Variants in MISP observed in about 807,000 individuals in gnomAD.
The protein encoded by MISP is mitotic interactor and substrate of PLK1.
Under a neutral mutation model 49.3 loss-of-function variants are expected in MISP, and 51 were observed. The ratio of observed to expected loss-of-function variants is 1.03; its 90% CI spans 0.83 to 1.31. The LOEUF is 1.31. Among genes scored for constraint, MISP ranks in the 50% most tolerant of loss-of-function variants. MISP has a pLI of 0.00. For missense variants in MISP, 1,084 were observed against 935.1 expected (o/e 1.16, Z -2.08); for synonymous variants, 444 against 392.6 (o/e 1.13, Z -1.55).
intron 1 of MISP, among the ~76,000 whole-genome samples, chr19:753,227 GT>G (rs1380639983): frequency 6.6e-6 from 1 of 152,112 alleles, no homozygotes; most frequent in Non-Finnish European, 1.5e-5. Flanking sequence ...GGTTTTCAAT[GT>G]TTCCCCTATT....
Position 757,525 on chromosome 19 carries a change from C to T in MISP, c.579C>T (p.Phe193=), listed in dbSNP as rs1242722299. Residue 193 remains phenylalanine, a synonymous_variant, in exon 2 of 5, where the codon TTC becomes TTT. Coordinates refer to ENST00000215582, the MANE Select transcript of MISP (RefSeq NM_173481.4). Reference sequence around the variant, plus strand: ...TGGTTGACAGGGAGCAGATTGACTTCCTGGCAGCGAGACAGCAGTTCCTGA... The same window carrying T: ...TGGTTGACAGGGAGCAGATTGACTTTCTGGCAGCGAGACAGCAGTTCCTGA... ...ENVVDREQID[F]LAARQQFLSL... The T allele has an allele frequency of 1.2e-6, 2 of 1,610,266 alleles. No individual in the cohort carries two copies. The highest frequency in any genetic ancestry group is 1.1e-5 in the South Asian group (1 of 90,366).
chr19:749,240 C>T (rs1430853160), upstream of MISP, among the ~76,000 whole-genome samples: 5 of 152,218 alleles, frequency 3.3e-5, no homozygotes, highest in Admixed American at 2.0e-4. Context: ...GATCCAGCCT[C>T]CACCCTGCTG....
Position 757,976 on chromosome 19 carries a change from A to G in MISP, c.1030A>G (p.Arg344Gly). 2 of 1,583,008 alleles carry G rather than the reference A, an allele frequency of 1.3e-6. No individual in the cohort carries two copies. Among genetic ancestry groups the G allele is most frequent in the South Asian group, 1.1e-5 (1 of 88,606 alleles). ...LSLITAPRRE[R>G]GRPSLYVQRD... ...CCTGATCACAGCCCCACGGCGGGAGAGAGGGCGCCCGTCCCTCTACGTGCA... is the reference window on the plus strand; with the variant it reads ...CCTGATCACAGCCCCACGGCGGGAGGGAGGGCGCCCGTCCCTCTACGTGCA... Residue 344 changes from arginine (R) to glycine (G), a missense_variant, in exon 2 of 5, where the codon AGA (arginine) becomes GGA (glycine). By Grantham distance (125) the Arg-to-Gly change is moderately radical. Coordinates refer to ENST00000215582, the MANE Select transcript of MISP (RefSeq NM_173481.4).
rs867122964 is a variant in MISP at position 757,520 on chromosome 19, G to A, written c.574G>A (p.Asp192Asn). The A allele has an allele frequency of 1.2e-6, 2 of 1,609,528 alleles. No individual in the cohort carries two copies. Among genetic ancestry groups the A allele is most frequent in the African/African-American group, 2.7e-5 (2 of 75,032 alleles). ...EENVVDREQIDFLAARQQFLS... is the reference protein window; with the variant it reads ...EENVVDREQINFLAARQQFLS... ...GAACGTGGTTGACAGGGAGCAGATTGACTTCCTGGCAGCGAGACAGCAGTT... is the reference window on the plus strand; with the variant it reads ...GAACGTGGTTGACAGGGAGCAGATTAACTTCCTGGCAGCGAGACAGCAGTT... Residue 192 changes from aspartate to asparagine, a missense_variant, in exon 2 of 5, where the codon GAC becomes AAC. Physicochemically the swap from Asp to Asn is conservative, Grantham distance 23. Coordinates refer to ENST00000215582, the MANE Select transcript of MISP (RefSeq NM_173481.4).
intron 1 of MISP, among the ~76,000 whole-genome samples, chr19:752,541 G>A (rs1164010300): frequency 1.3e-5 from 2 of 150,332 alleles, no homozygotes; most frequent in East Asian, 2.0e-4. Flanking sequence ...AAAGCGGGGG[G>A]CGGGGGTGGG....
intron 1 of MISP, among the ~76,000 whole-genome samples, chr19:754,318 G>C (rs2033509533): frequency 6.6e-6 from 1 of 152,220 alleles, no homozygotes; most frequent in African/African-American, 2.4e-5. Flanking sequence ...CAAAAAATTA[G>C]CCAGGCGTGG....
intron 3 of MISP, among the ~76,000 whole-genome samples, chr19:761,261 A>T (rs2033668734): frequency 6.8e-6 from 1 of 146,292 alleles, no homozygotes; most frequent in Non-Finnish European, 1.5e-5. Context: ...GGCTAAAGGG[A>T]GGCTGCTAGG....
At position 757,604 on chromosome 19, in the gene MISP, C is replaced by T. The variant is rs756970923; in HGVS notation, c.658C>T (p.Pro220Ser). 3.1e-5 allele frequency: 50 copies of T among 1,612,590 alleles called. 1 individual carries two copies. In the Admixed American group the frequency reaches 8.4e-4, roughly 27 times the overall value. Reference protein sequence around the residue: ...APHSSPARGTPAGTTPGASQA... With the variant: ...APHSSPARGTSAGTTPGASQA... ...TCATAGCTCCCCGGCCAGGGGGACCCCTGCAGGCACAACCCCAGGGGCCAG... is the reference window on the plus strand; with the variant it reads ...TCATAGCTCCCCGGCCAGGGGGACCTCTGCAGGCACAACCCCAGGGGCCAG... Residue 220 changes from proline (P) to serine (S), a missense_variant, in exon 2 of 5, where the codon CCT becomes TCT. Physicochemically the swap from Pro to Ser is moderately conservative, Grantham distance 74 (BLOSUM62 -1). Coordinates refer to ENST00000215582, the MANE Select transcript of MISP (RefSeq NM_173481.4).
chr19:757,450 AGACCCCAG>A lies in MISP; in HGVS notation c.511_518del (p.Thr172ProfsTer13), dbSNP rs1205785135. ...CGCTCCAGGGCACTCCTGACCACGG[AGACCCCAG>A]GACCCCCGGCCCACCTCGGTCCACG... On this transcript the variant is annotated frameshift_variant, in exon 2 of 5. Transcript: ENST00000215582. LOFTEE classifies it high-confidence loss of function. 4 of 1,593,236 alleles carry A rather than the reference AGACCCCAG, an allele frequency of 2.5e-6. No homozygotes were observed. The highest frequency in any genetic ancestry group is 3.4e-6 in the Non-Finnish European group (4 of 1,170,768).
intron 4 of MISP, among the ~76,000 whole-genome samples, chr19:762,233 C>T (rs1316834854): frequency 2.5e-4 from 36 of 143,766 alleles, no homozygotes; most frequent in Non-Finnish European, 3.5e-4. Context: ...ATTACAGGCG[C>T]GAGCCACCGC....
chr19:749,992 C>T (rs1177851166), upstream of MISP, among the ~76,000 whole-genome samples: 1 of 152,080 alleles, frequency 6.6e-6, no homozygotes, highest in African/African-American at 2.4e-5. Context: ...AGTCCCTGCC[C>T]CCTCAGCTGT....
Position 758,348 on chromosome 19 carries a change from A to G in MISP, c.1402A>G (p.Arg468Gly), listed in dbSNP as rs375945241. The part of the protein sequence containing the change: ...ATSPKATMSP[R>G]HLSESSGKPL... Reference sequence around the variant, plus strand: ...TTCACCAAAGGCCACGATGTCCCCGAGGCATCTCTCAGAATCCTCTGGAAA... The same window carrying G: ...TTCACCAAAGGCCACGATGTCCCCGGGGCATCTCTCAGAATCCTCTGGAAA... The change falls in exon 2 of 5, where the codon AGG becomes GGG. Residue 468 changes from arginine (R) to glycine (G), a missense_variant. Coordinates refer to ENST00000215582, the MANE Select transcript of MISP (RefSeq NM_173481.4). The G allele has an allele frequency of 3.1e-6, 5 of 1,614,024 alleles. No homozygotes were observed. In the African/African-American group the frequency reaches 5.3e-5, roughly 17 times the overall value.
chr19:762,260 G>GT (rs1421741335), intron 4 of MISP, among the ~76,000 whole-genome samples: 1 of 129,454 alleles, frequency 7.7e-6, no homozygotes, highest in African/African-American at 2.9e-5. Context: ...CCAAGGCAAT[G>GT]TTTTTTTGGG....
rs537613512 is a variant in MISP at position 756,570 on chromosome 19, C to T, written c.-57-320C>T. ...TGCTCTGATTGGCCAGGCTGAGTTA[C>T]TTACCTATCCCTTAGCCAATCACAG... On this transcript the variant is annotated intron_variant, in intron 1 of 4. Transcript: ENST00000215582. Among the ~76,000 whole-genome samples the T allele has an allele frequency of 1.8e-3, 267 of 152,338 alleles. 5 individuals carry two copies. The highest frequency in any genetic ancestry group is 5.9e-4 in the Non-Finnish European group (40 of 68,036).
In MISP at chr19:758,431, CAG is replaced by C. The variant is rs750415587; in HGVS notation, c.1486_1487del (p.Arg496GlyfsTer49). On this transcript the variant is annotated frameshift_variant, in exon 2 of 5. Coordinates refer to ENST00000215582, the MANE Select transcript of MISP (RefSeq NM_173481.4). LOFTEE classifies it high-confidence loss of function. The stretch of plus-strand genomic sequence containing the variant: ...CCCCTCGGGGATGCCCGCAAGCCAA[CAG>C]GGGTGTCGTGCGGTGGGAGTACTTC... ...KPPRGCPQAN[R>X]GVVRWEYFRL... 1 of 1,614,218 alleles carries C rather than the reference CAG, an allele frequency of 6.2e-7. No individual in the cohort carries two copies. Among genetic ancestry groups the C allele is most frequent in the African/African-American group, 1.3e-5 (1 of 75,078 alleles).
intron 2 of MISP, among the ~76,000 whole-genome samples, 190 bp downstream of exon 2, chr19:758,916 G>A (rs1486624495): frequency 6.6e-6 from 1 of 152,204 alleles, no homozygotes; most frequent in Non-Finnish European, 1.5e-5. Flanking sequence ...GGAGAGAAAT[G>A]TCAACTTTAC....
Position 758,020 on chromosome 19 carries a change from G to A in MISP, c.1074G>A (p.Glu358=). ...SLYVQRDIVQ[E]TQREEDHRRE... is the part of the protein sequence containing the mutation. ...ACGTGCAGCGGGACATAGTACAGGAGACACAGCGTGAGGAAGACCACCGGC... is the reference window on the plus strand; with the variant it reads ...ACGTGCAGCGGGACATAGTACAGGAAACACAGCGTGAGGAAGACCACCGGC... The change falls in exon 2 of 5, where the codon GAG becomes GAA. Residue 358 remains glutamate, a synonymous_variant. Transcript: ENST00000215582. 6.4e-7 allele frequency: 1 copy of A among 1,570,684 alleles called. No individual in the cohort carries two copies. The highest frequency in any genetic ancestry group is 8.6e-7 in the Non-Finnish European group (1 of 1,162,028).
Position 757,772 on chromosome 19 carries a change from C to T in MISP, c.826C>T (p.Pro276Ser). Residue 276 changes from proline to serine, a missense_variant, in exon 2 of 5, where the codon CCT (proline) becomes TCT (serine). Transcript: ENST00000215582. Reference sequence around the variant, plus strand: ...GGCCAGTGTCCAAGTTGTGGATGACCCTGGCTCCTTGGCCTCAGTGGAGTC... The same window carrying T: ...GGCCAGTGTCCAAGTTGTGGATGACTCTGGCTCCTTGGCCTCAGTGGAGTC... Reference protein sequence around the residue: ...TWASVQVVDDPGSLASVESPG... With the variant: ...TWASVQVVDDSGSLASVESPG... 6.2e-7 allele frequency: 1 copy of T among 1,613,340 alleles called. No homozygotes were observed. Among genetic ancestry groups the T allele is most frequent in the South Asian group, 1.1e-5 (1 of 91,056 alleles).
At chr19:755,555 G>T (rs1323136982) in intron 1 of MISP, among the ~76,000 whole-genome samples, 1 of 152,300 alleles carries the variant, frequency 6.6e-6, no homozygotes, top group East Asian at 1.9e-4. Flanking sequence ...CCCACACCAG[G>T]AGTCTCAGAG....
Sources: gnomAD v4.1 joint callset for allele counts (sites outside exome capture counted in the v4.1 genomes callset) on GRCh38, gnomAD v4.1.1 for gene constraint, MANE v1.5 for transcripts, NCBI Gene and HGNC (gene_info 2026-07-23, HGNC 2026-07-21) for gene names.